CDH12: variants seen among roughly 807,000 people sequenced by gnomAD.
The protein encoded by CDH12 is cadherin-12.
A neutral mutation model predicts 74.1 loss-of-function variants in CDH12; 41 were observed. That is an observed-to-expected ratio of 0.55 (90% confidence interval 0.43 to 0.72). CDH12 has a LOEUF of 0.72. Among genes scored for constraint, CDH12 ranks in the 30% least tolerant of loss-of-function variants. The pLI, the probability that CDH12 is intolerant of heterozygous loss-of-function variation, is 0.00. For missense variants in CDH12, 945 were observed against 977.2 expected, an observed-to-expected ratio of 0.97 and a Z score of 0.44; for synonymous variants, 399 against 355.0, an observed-to-expected ratio of 1.12 and a Z score of -1.39.
chr5:21,973,112 T>A (rs986677119), intron 6 of CDH12, among the ~76,000 whole-genome samples: 5 of 146,084 alleles, frequency 3.4e-5, no homozygotes, highest in Admixed American at 1.4e-4. Context: ...GAGGCTCAGG[T>A]GGAGGGATCT....
chr5:21,781,756 C>A (rs1428029514), intron 11 of CDH12, among the ~76,000 whole-genome samples: 1 of 150,506 alleles, frequency 6.6e-6, no homozygotes, highest in African/African-American at 2.4e-5. Context: ...CAATGGAGCA[C>A]TATATTGGCA....
intron 2 of CDH12, among the ~76,000 whole-genome samples, chr5:22,501,746 T>A (rs1446521192): frequency 4.9e-5 from 7 of 143,770 alleles, no homozygotes; most frequent in South Asian, 2.2e-4. Flanking sequence ...CAAAGTATAT[T>A]AAAAAAAAAA....
chr5:22,670,698 A>T lies in CDH12; in HGVS notation c.-522-165334T>A, dbSNP rs534981694. 2.0e-5 allele frequency among the ~76,000 whole-genome samples: 3 copies of T among 152,206 alleles called. No homozygotes were observed. The East Asian group carries it at 5.8e-4, about 29-fold the overall frequency. ...TTTCCTTGGTATAAATTCCATGTGA[A>T]CTATACATATTTTAAAGGTTTTTAT... On this transcript the variant is annotated intron_variant, in intron 1 of 14. Coordinates refer to ENST00000382254, the MANE Select transcript of CDH12 (RefSeq NM_004061.5).
chr5:22,421,540 G>A (rs967096885), intron 2 of CDH12, among the ~76,000 whole-genome samples: 1 of 152,120 alleles, frequency 6.6e-6, no homozygotes, highest in Non-Finnish European at 1.5e-5. Flanking sequence ...TGGCTGCATA[G>A]TATTCCATGG....
At chr5:22,697,884 G>T (rs144824567) in intron 1 of CDH12, among the ~76,000 whole-genome samples, 22 of 152,164 alleles carry the variant, frequency 1.4e-4, no homozygotes, top group African/African-American at 4.3e-4. Flanking sequence ...GAGGCCCTGA[G>T]AAGACACATG....
At chr5:22,446,376 G>A (rs1029111667) in intron 2 of CDH12, among the ~76,000 whole-genome samples, 4 of 152,066 alleles carry the variant, frequency 2.6e-5, no homozygotes, top group African/African-American at 7.2e-5. Flanking sequence ...CAATACACAT[G>A]CTAGTCTTTT....
At chr5:22,478,049 G>A (rs1021191844) in intron 2 of CDH12, among the ~76,000 whole-genome samples, 1 of 152,084 alleles carries the variant, frequency 6.6e-6, no homozygotes, top group African/African-American at 2.4e-5. Context: ...CCCTGAGAAA[G>A]TCAGTATTTG....
intron 3 of CDH12, among the ~76,000 whole-genome samples, chr5:22,227,318 C>G (rs1301416018): frequency 6.6e-6 from 1 of 152,018 alleles, no homozygotes; most frequent in African/African-American, 2.4e-5. Flanking sequence ...ACTAGATACT[C>G]AGAGATCCCA....
intron 4 of CDH12, among the ~76,000 whole-genome samples, chr5:22,117,328 G>A (rs962194821): frequency 1.4e-5 from 2 of 147,368 alleles, no homozygotes; most frequent in East Asian, 2.0e-4. Context: ...ATAAACATAC[G>A]AAAATCCTAA....
At chr5:22,395,380 C>A (rs935691109) in intron 3 of CDH12, among the ~76,000 whole-genome samples, 1 of 152,106 alleles carries the variant, frequency 6.6e-6, no homozygotes, top group African/African-American at 2.4e-5. Flanking sequence ...CCTGCCAACA[C>A]ATTGATTTTG....
rs1459955399 is a variant in CDH12, at chr5:22,112,069, T to A, written c.-186-33207A>T. Among the ~76,000 whole-genome samples the A allele has an allele frequency of 2.0e-5, 3 of 149,468 alleles. No individual in the cohort carries two copies. In the Admixed American group the frequency reaches 2.0e-4, roughly 10 times the overall value. On this transcript the variant is annotated intron_variant, in intron 4 of 14. Coordinates refer to ENST00000382254, the MANE Select transcript of CDH12 (RefSeq NM_004061.5). ...ATTATTTAGAGGCCATTCAAGATTA[T>A]CAGGTAAATTAAACTGCTCTGCTAT...
At chr5:22,153,929 A>AC (rs1747821247) in intron 4 of CDH12, among the ~76,000 whole-genome samples, 1 of 129,134 alleles carries the variant, frequency 7.7e-6, no homozygotes, top group African/African-American at 2.9e-5. Flanking sequence ...CACACACACA[A>AC]ACATATATAT....
intron 1 of CDH12, among the ~76,000 whole-genome samples, chr5:22,761,166 C>G (rs1441401373): frequency 6.6e-6 from 1 of 152,146 alleles, no homozygotes; most frequent in South Asian, 2.1e-4. Flanking sequence ...TTATTCACGT[C>G]TTTATCTTGA....
chr5:22,838,593 C>G (rs1736936253), intron 1 of CDH12, among the ~76,000 whole-genome samples: 1 of 151,542 alleles, frequency 6.6e-6, no homozygotes, highest in South Asian at 2.1e-4. Flanking sequence ...TAAAGGCAGG[C>G]AAAGGGGGAT....
At chr5:22,217,461 A>G (rs1290207735) in intron 3 of CDH12, among the ~76,000 whole-genome samples, 4 of 151,786 alleles carry the variant, frequency 2.6e-5, no homozygotes, top group Admixed American at 1.3e-4. Context: ...AATTATTTTA[A>G]AATAACAAAA....
At chr5:22,688,046 A>G (rs1328645060) in intron 1 of CDH12, among the ~76,000 whole-genome samples, 1 of 152,110 alleles carries the variant, frequency 6.6e-6, no homozygotes, top group East Asian at 1.9e-4. Flanking sequence ...GAGAATTTAT[A>G]ATTAGCTTCA....
At chr5:22,843,537 A>G (rs945287170) in intron 1 of CDH12, among the ~76,000 whole-genome samples, 1 of 152,040 alleles carries the variant, frequency 6.6e-6, no homozygotes, top group African/African-American at 2.4e-5. Flanking sequence ...CAATGCCAAA[A>G]GAGTTTATTA....
intron 5 of CDH12, among the ~76,000 whole-genome samples, chr5:22,074,614 C>G (rs535140767): frequency 2.0e-5 from 3 of 152,144 alleles, no homozygotes; most frequent in African/African-American, 7.2e-5. Context: ...AACAAACTTA[C>G]AAGAAAACAA....
Position 22,823,169 on chromosome 5 carries a change from T to G in CDH12, c.-523+29889A>C, listed in dbSNP as rs527977568. ...AACACCGCATGTTCTCACTCATAGGTGGGAATTGAACAATGAGAACACTTG... is the reference window on the plus strand; with the variant it reads ...AACACCGCATGTTCTCACTCATAGGGGGGAATTGAACAATGAGAACACTTG... On this transcript the variant is annotated intron_variant, in intron 1 of 14. Transcript: ENST00000382254. 3.4e-4 allele frequency among the ~76,000 whole-genome samples: 45 copies of G among 134,328 alleles called. 1 individual carries two copies. In the East Asian group the frequency reaches 5.2e-3, roughly 16 times the overall value. 88.1% of individuals were successfully genotyped at this position (134,328 alleles called of 152,430 possible). A position where few individuals can be genotyped will look rare whatever the true frequency, so the allele number is the denominator to read the frequency against.
Sources: gnomAD v4.1 joint callset for allele counts (sites outside exome capture counted in the v4.1 genomes callset) on GRCh38, gnomAD v4.1.1 for gene constraint, MANE v1.5 for transcripts, NCBI Gene and HGNC (gene_info 2026-07-23, HGNC 2026-07-21) for gene names.